Variants in PLEKHM1 observed in about 807,000 individuals in gnomAD.
PLEKHM1 encodes pleckstrin homology domain-containing family M member 1.
In PLEKHM1, 28 loss-of-function variants were observed where a neutral mutation model predicts 94.3. The ratio of observed to expected loss-of-function variants is 0.30; its 90% CI spans 0.22 to 0.41. The LOEUF (loss-of-function observed/expected upper bound fraction) is 0.41. Ranked by LOEUF, PLEKHM1 falls within the 10% of genes least tolerant of loss-of-function variation. The probability of loss-of-function intolerance (pLI) is 1.00; values close to 1 mark genes in which losing one functional copy is unlikely to be tolerated. For synonymous variants in PLEKHM1, 424 were observed against 581.2 expected, an observed-to-expected ratio of 0.73 and a Z score of 3.89; for missense variants, 907 against 1,358.6, an observed-to-expected ratio of 0.67 and a Z score of 5.22.
intron 9 of PLEKHM1, among the ~76,000 whole-genome samples, chr17:45,441,800 A>G (rs1325479689): frequency 1.3e-5 from 2 of 152,192 alleles, no homozygotes; most frequent in Non-Finnish European, 2.9e-5. Context: ...TTCTCCACCC[A>G]CACAATGAGG....
intron 5 of PLEKHM1, chr17:45,463,884 T>A (rs2051234986): frequency 6.6e-6 from 1 of 152,200 alleles, no homozygotes; most frequent in African/African-American, 2.4e-5. Context: ...CATGACACCA[T>A]ATACAACAGC....
chr17:45,468,590 T>C lies in PLEKHM1; in HGVS notation c.927A>G (p.Val309=), dbSNP rs745800185. The part of the protein sequence containing the change: ...AEDSDRSLQE[V]LLEFSKAQVN... ...CCTGGGCTTTGCTGAATTCCAACAA[T>C]ACCCTAGAAGTTTTAAACAAAGAAA... is the stretch of plus-strand genomic sequence containing the variant. Residue 309 remains valine, a synonymous_variant, in exon 5 of 12, where the codon GTA becomes GTG. Transcript: ENST00000430334. 4 of 1,614,174 alleles carry C rather than the reference T, an allele frequency of 2.5e-6. No homozygotes were observed. The highest frequency in any genetic ancestry group is 2.5e-6 in the Non-Finnish European group (3 of 1,180,002).
At position 45,453,612 on chromosome 17, in the gene PLEKHM1, T is replaced by C. The variant is rs2050842996; in HGVS notation, c.2240A>G (p.Lys747Arg). The C allele has an allele frequency of 2.5e-6, 4 of 1,606,968 alleles. No homozygotes were observed. The South Asian group carries it at 3.3e-5, about 13-fold the overall frequency. ...DTSLGGPSFF[K>R]IITAKAVLKL... is the part of the protein sequence containing the mutation. ...CAGGACAGCCTTGGCCGTGATGATT[T>C]TGAAGAAGGATGGGCCCCCAAGGCT... Residue 747 changes from lysine to arginine, a missense_variant, in exon 7 of 12, where the codon AAA becomes AGA. This residue lies in a region of PLEKHM1 where 254 missense variants were observed against 451.1 expected (regional missense o/e 0.56). Transcript: ENST00000430334. The surrounding 1 kb of genome is among the most constrained non-coding windows in gnomAD (Gnocchi z 4.1).
chr17:45,437,840 G>C lies in PLEKHM1; in HGVS notation c.*18C>G. 1 of 1,592,908 alleles carries C rather than the reference G, an allele frequency of 6.3e-7. No individual in the cohort carries two copies. Among genetic ancestry groups the C allele is most frequent in the Non-Finnish European group, 8.6e-7 (1 of 1,160,772 alleles). Reference sequence around the variant, plus strand: ...CACACTCACCCCCGGCTTTCAGAGCGGGGTCAGCAGATGGGCATCAGGCGA... The same window carrying C: ...CACACTCACCCCCGGCTTTCAGAGCCGGGTCAGCAGATGGGCATCAGGCGA... On this transcript the variant is annotated 3_prime_UTR_variant, in exon 12 of 12. Transcript: ENST00000430334. This position sits in a 1 kb window ranked among gnomAD's most constrained non-coding sequence, Gnocchi z 4.0.
intron 11 of PLEKHM1, 67 bp downstream of exon 11, chr17:45,439,410 C>G (rs1275800550): frequency 6.4e-7 from 1 of 1,570,464 alleles, no homozygotes; most frequent in Non-Finnish European, 8.8e-7. Context: ...GCCCTGCGTG[C>G]TTGGGCCAGG....
At chr17:45,472,901 G>T (rs2145305315) in intron 4 of PLEKHM1, among the ~76,000 whole-genome samples, 2 of 152,256 alleles carry the variant, frequency 1.3e-5, no homozygotes, top group Admixed American at 1.3e-4. Context: ...CAGGGCGAGT[G>T]GAAAGAAGGT....
intron 4 of PLEKHM1, among the ~76,000 whole-genome samples, chr17:45,470,873 A>G (rs2051487190): frequency 6.6e-6 from 1 of 151,630 alleles, no homozygotes; most frequent in African/African-American, 2.4e-5. Flanking sequence ...TCACCGTTTT[A>G]ACCAGGATGG....
chr17:45,443,272 G>T (rs1852037755), intron 9 of PLEKHM1, among the ~76,000 whole-genome samples: 1 of 151,872 alleles, frequency 6.6e-6, no homozygotes, highest in South Asian at 2.1e-4. Context: ...CTGACCCAGG[G>T]CCATCTGTGG....
At chr17:45,479,688 AAAAACAAAACAAAAC>A (rs56104486) in intron 2 of PLEKHM1, among the ~76,000 whole-genome samples, 10 of 151,220 alleles carry the variant, frequency 6.6e-5, no homozygotes, top group Middle Eastern at 3.2e-3. Context: ...TCCATCTCAG[AAAAACAAAACAAAAC>A]AAAACAAAAC....
intron 1 of PLEKHM1, among the ~76,000 whole-genome samples, 159 bp from the exon 2 acceptor site, chr17:45,482,684 G>GA (rs1016022002): frequency 1.3e-5 from 2 of 152,038 alleles, no homozygotes; most frequent in African/African-American, 4.8e-5. Flanking sequence ...AGATTTGAAG[G>GA]AAAGAAACAA....
At position 45,478,194 on chromosome 17, in the gene PLEKHM1, GGA is replaced by G. The variant is rs762289460; in HGVS notation, c.49-49_49-48del. 3.1e-6 allele frequency: 5 copies of G among 1,613,066 alleles called. No homozygotes were observed. In the South Asian group the frequency reaches 3.3e-5, roughly 11 times the overall value. On this transcript the variant is annotated intron_variant, in intron 2 of 11. Coordinates refer to ENST00000430334, the MANE Select transcript of PLEKHM1 (RefSeq NM_014798.3). ...ACAGGCCTTTAGCGGAAAATCCTATGGAGAGTCCCTAGAGTGTAATCCTTTAG... is the reference window on the plus strand; with the variant it reads ...ACAGGCCTTTAGCGGAAAATCCTATGGAGTCCCTAGAGTGTAATCCTTTAG...
chr17:45,489,193 C>T (rs980533626), intron 1 of PLEKHM1, among the ~76,000 whole-genome samples: 9 of 152,166 alleles, frequency 5.9e-5, no homozygotes, highest in Non-Finnish European at 1.3e-4. Context: ...GATTCAAGAG[C>T]CTCTGTACCC....
chr17:45,460,053 G>A (rs1209120215), intron 5 of PLEKHM1: 2 of 151,910 alleles, frequency 1.3e-5, no homozygotes, highest in African/African-American at 2.4e-5. Context: ...CACAAAGAGA[G>A]GAGAACACCA....
chr17:45,489,929 C>T (rs2052255185), intron 1 of PLEKHM1, among the ~76,000 whole-genome samples: 1 of 152,040 alleles, frequency 6.6e-6, no homozygotes, highest in Non-Finnish European at 1.5e-5. Context: ...GGAAAGGAGG[C>T]AGCAAGAGTT....
intron 4 of PLEKHM1, among the ~76,000 whole-genome samples, chr17:45,474,502 C>A (rs1392997924): frequency 6.6e-6 from 1 of 152,170 alleles, no homozygotes; most frequent in African/African-American, 2.4e-5. Context: ...GGTCCTGTGT[C>A]CCCCAGGAGG....
Position 45,444,942 on chromosome 17 carries a change from T to C in PLEKHM1, c.2837+528A>G, listed in dbSNP as rs2050556662. On this transcript the variant is annotated intron_variant, in intron 9 of 11. Coordinates refer to ENST00000430334, the MANE Select transcript of PLEKHM1 (RefSeq NM_014798.3). This position sits in a 1 kb window ranked among gnomAD's most constrained non-coding sequence, Gnocchi z 5.0. ...TCACCCCCGGATGGAGTTGCTGGCT[T>C]TCCCACCTGTCTCCCTCTCACCCTC... 6.6e-6 allele frequency among the ~76,000 whole-genome samples: 1 copy of C among 152,138 alleles called. No homozygotes were observed. Among genetic ancestry groups the C allele is most frequent in the Admixed American group, 6.5e-5 (1 of 15,282 alleles).
At chr17:45,467,251 A>C (rs1174974142) in intron 5 of PLEKHM1, among the ~76,000 whole-genome samples, 1 of 152,190 alleles carries the variant, frequency 6.6e-6, no homozygotes, top group South Asian at 2.1e-4. Context: ...CCAGCCCCCA[A>C]ATATTTTCAT....
chr17:45,478,765 A>C (rs2051842116), intron 2 of PLEKHM1, among the ~76,000 whole-genome samples: 2 of 151,548 alleles, frequency 1.3e-5, no homozygotes, highest in South Asian at 4.2e-4. Context: ...CAGGAGTTCA[A>C]GGCTGCAGTG....
At chr17:45,462,579 C>T (rs573772897) in intron 5 of PLEKHM1, among the ~76,000 whole-genome samples, 3 of 152,112 alleles carry the variant, frequency 2.0e-5, no homozygotes, top group Non-Finnish European at 4.4e-5. Context: ...GTTAGGGCCC[C>T]TACTGGGATC....
Sources: gnomAD v4.1 joint callset for allele counts (sites outside exome capture counted in the v4.1 genomes callset) on GRCh38, gnomAD v4.1.1 for gene constraint, gnomAD v4.1.1 regional missense constraint, Gnocchi (gnomAD v3.1) non-coding constraint, MANE v1.5 for transcripts, NCBI Gene and HGNC (gene_info 2026-07-23, HGNC 2026-07-21) for gene names.